Variants in GABRA3 observed in about 807,000 individuals in gnomAD.
The protein encoded by GABRA3 is gamma-aminobutyric acid type A receptor subunit alpha3.
GABRA3 carries 10 observed loss-of-function variants against 30.1 expected under a neutral mutation model. The observed-to-expected ratio is 0.33, with a 90% CI of 0.20 to 0.56. GABRA3 has a LOEUF of 0.56. Ranked by LOEUF, GABRA3 falls within the 20% of genes least tolerant of loss-of-function variation. The pLI is 0.89. For synonymous variants in GABRA3, 151 were observed against 146.8 expected, an observed-to-expected ratio of 1.03 and a Z score of -0.21; for missense variants, 233 against 392.0, an observed-to-expected ratio of 0.59 and a Z score of 3.42.
At chrX:152,315,970 G>GGC (rs1939869546) in intron 3 of GABRA3, among the ~76,000 whole-genome samples, 23 of 19,796 alleles carry the variant, frequency 1.2e-3, no homozygotes, top group Non-Finnish European at 1.3e-3. Context: ...CCCGCCCCCC[G>GGC]ACCCCCCCCC....
rs758067145 is a variant in GABRA3, at chrX:152,274,477, C to T, written c.330+10191G>A. ...GGTTTTACATCCTACAGATCATTCTCTTTCAATATGAGGCATTAAATTAAG... is the reference window on the plus strand; with the variant it reads ...GGTTTTACATCCTACAGATCATTCTTTTTCAATATGAGGCATTAAATTAAG... On this transcript the variant is annotated intron_variant, in intron 4 of 9. Coordinates refer to ENST00000370314, the MANE Select transcript of GABRA3 (RefSeq NM_000808.4). Among the ~76,000 whole-genome samples the T allele has an allele frequency of 2.1e-3, 232 of 111,105 alleles. 2 individuals are homozygous for T. Among genetic ancestry groups the T allele is most frequent in the African/African-American group, 7.4e-3 (226 of 30,649 alleles).
At chrX:152,413,849 G>C (rs1930136862) in intron 1 of GABRA3, among the ~76,000 whole-genome samples, 1 of 110,084 alleles carries the variant, frequency 9.1e-6, no homozygotes, top group Non-Finnish European at 1.9e-5. Flanking sequence ...ACTTTAAACT[G>C]TCTCTGTTTG....
chrX:152,303,384 C>A (rs1418202491), intron 3 of GABRA3, among the ~76,000 whole-genome samples: 1 of 111,550 alleles, frequency 9.0e-6, no homozygotes, highest in African/African-American at 3.3e-5. Flanking sequence ...ATTAGTTCAA[C>A]CATTGTGGAA....
At chrX:152,190,563 C>T (rs112333606) in intron 8 of GABRA3, among the ~76,000 whole-genome samples, 26 of 109,149 alleles carry the variant, frequency 2.4e-4, no homozygotes, top group African/African-American at 8.0e-4. Flanking sequence ...GAGCCCAAGA[C>T]TCAGGACATG....
At chrX:152,391,211 C>A (rs1929473115) in intron 1 of GABRA3, among the ~76,000 whole-genome samples, 1 of 111,552 alleles carries the variant, frequency 9.0e-6, no homozygotes, top group Non-Finnish European at 1.9e-5. Flanking sequence ...CAGATGATTC[C>A]ATCCTTTTAT....
chrX:152,224,735 G>T, intron 6 of GABRA3, 28 bp downstream of exon 6: 2 of 1,004,762 alleles, frequency 2.0e-6, no homozygotes, highest in Non-Finnish European at 2.8e-6. Flanking sequence ...AAAAAAAAAA[G>T]ACAGAGAGAG....
At chrX:152,225,713 T>C (rs773117247) in intron 5 of GABRA3, among the ~76,000 whole-genome samples, 59 of 109,545 alleles carry the variant, frequency 5.4e-4, no homozygotes, top group Non-Finnish European at 9.3e-4. Flanking sequence ...GGCTTAACTT[T>C]CCTCGGGTTA....
At chrX:152,298,001 G>GA (rs1340456347) in intron 3 of GABRA3, among the ~76,000 whole-genome samples, 1 of 111,822 alleles carries the variant, frequency 8.9e-6, no homozygotes, top group Non-Finnish European at 1.9e-5. Context: ...CACTGTAGAG[G>GA]AATGTCCTTC....
intron 1 of GABRA3, among the ~76,000 whole-genome samples, chrX:152,385,910 C>G (rs1369426923): frequency 1.8e-5 from 2 of 110,522 alleles, no homozygotes; most frequent in African/African-American, 3.3e-5. Flanking sequence ...TGTAGATATG[C>G]GGCGTTCTTT....
chrX:152,175,857 G>A (rs1014486996), intron 9 of GABRA3, among the ~76,000 whole-genome samples: 1 of 110,300 alleles, frequency 9.1e-6, no homozygotes, highest in Non-Finnish European at 1.9e-5. Flanking sequence ...GAGGTCAGGA[G>A]ATCGAGATCA....
intron 3 of GABRA3, among the ~76,000 whole-genome samples, chrX:152,342,891 G>C (rs1275186716): frequency 3.6e-5 from 4 of 111,334 alleles, no homozygotes; most frequent in African/African-American, 1.3e-4. Flanking sequence ...CAAGTAGAGT[G>C]ATGGAAACTC....
intron 1 of GABRA3, among the ~76,000 whole-genome samples, chrX:152,366,093 T>C (rs754409370): frequency 1.8e-5 from 2 of 111,500 alleles, no homozygotes; most frequent in Admixed American, 9.6e-5. Flanking sequence ...AACCATAGTA[T>C]ATGAGTAAGA....
chrX:152,431,204 G>A (rs1330775775), intron 1 of GABRA3, among the ~76,000 whole-genome samples: 5 of 111,991 alleles, frequency 4.5e-5, no homozygotes, highest in Non-Finnish European at 9.4e-5. Context: ...TTCAACTCAA[G>A]AGAAACAGGA....
chrX:152,202,576 T>C lies in GABRA3; in HGVS notation c.779-4791A>G, dbSNP rs913215946. Among the ~76,000 whole-genome samples, 4 of 111,568 alleles carry C rather than the reference T, an allele frequency of 3.6e-5. No homozygotes were observed. The South Asian group carries it at 1.1e-3, about 31-fold the overall frequency. On this transcript the variant is annotated intron_variant, in intron 7 of 9. Transcript: ENST00000370314. ...AAAATAATGTGATACATATAAAGAA[T>C]AGAGAGACAACAATGAAAAAGAATA...
intron 4 of GABRA3, among the ~76,000 whole-genome samples, chrX:152,280,183 T>G (rs774135013): frequency 1.4e-3 from 157 of 111,655 alleles, no homozygotes; most frequent in Non-Finnish European, 2.6e-3. Context: ...CATCCCTCTC[T>G]TATTGGCATT....
chrX:152,382,447 G>C (rs1010428727), intron 1 of GABRA3, among the ~76,000 whole-genome samples: 2 of 112,264 alleles, frequency 1.8e-5, no homozygotes, highest in Admixed American at 1.9e-4. Context: ...CCAAAGGATT[G>C]TAAATCATTC....
chrX:152,450,390 G>A (rs1931192275), intron 1 of GABRA3, among the ~76,000 whole-genome samples: 1 of 105,401 alleles, frequency 9.5e-6, no homozygotes, highest in Non-Finnish European at 1.9e-5. Flanking sequence ...GTGAGATGGG[G>A]TGGGGTATCT....
At position 152,255,960 on chromosome X, in the gene GABRA3, A is replaced by G. The variant is rs1399362243; in HGVS notation, c.369T>C (p.His123=). The G allele has an allele frequency of 8.3e-7, 1 of 1,210,325 alleles. No individual in the cohort carries two copies. Among genetic ancestry groups the G allele is most frequent in the South Asian group, 1.8e-5 (1 of 56,944 alleles). The change falls in exon 5 of 10, where the codon CAT becomes CAC. Residue 123 remains histidine (H), a synonymous_variant. Transcript: ENST00000370314. ...TIDVFFRQTW[H]DERLKFDGPM... ...GGCCATCAAATTTCAGTCTTTCATC[A>G]TGCCATGTCTGCCGAAAAAATACAT...
chrX:152,406,750 C>A (rs748764824), intron 1 of GABRA3, among the ~76,000 whole-genome samples: 1 of 110,453 alleles, frequency 9.1e-6, no homozygotes, highest in South Asian at 3.8e-4. Flanking sequence ...AATAGACCAA[C>A]TGGACATAAT....
Sources: allele counts gnomAD v4.1 joint callset (sites outside exome capture counted in the v4.1 genomes callset), GRCh38; gene constraint gnomAD v4.1.1; transcripts MANE v1.5; gene names NCBI Gene and HGNC (gene_info 2026-07-23, HGNC 2026-07-21).